LRCH1: variants seen among roughly 807,000 people sequenced by gnomAD.
LRCH1 encodes the protein leucine-rich repeat and calponin homology domain-containing protein 1.
A neutral mutation model predicts 94.9 loss-of-function variants in LRCH1; 23 were observed. That is an observed-to-expected ratio of 0.24 (90% CI 0.17 to 0.34). The LOEUF (loss-of-function observed/expected upper bound fraction) is 0.34, where lower values mean the gene tolerates loss of function less well. Ranked by LOEUF, LRCH1 falls within the 10% of genes least tolerant of loss-of-function variation. The pLI, the probability that LRCH1 is intolerant of heterozygous loss-of-function variation, is 1.00. For missense variants in LRCH1, 790 were observed against 945.9 expected (o/e 0.84, Z 2.16); for synonymous variants, 364 against 354.9 (o/e 1.03, Z -0.29).
intron 1 of LRCH1, among the ~76,000 whole-genome samples, chr13:46,570,947 G>C (rs916004683): frequency 6.6e-6 from 1 of 152,352 alleles, no homozygotes; most frequent in South Asian, 2.1e-4. Flanking sequence ...CAGTCAGGCA[G>C]CTTCACTGCT....
exon 19 of LRCH1, chr13:46,752,175 G>C (rs1477797786): frequency 2.0e-5 from 3 of 152,288 alleles, no homozygotes; most frequent in Non-Finnish European, 4.4e-5. Context: ...CCTTCTGCAG[G>C]CAGTTCCATG....
At position 46,739,403 on chromosome 13, in the gene LRCH1, C is replaced by T. The variant is rs74951639; in HGVS notation, c.2086-2239C>T. On this transcript the variant is annotated intron_variant, in intron 19 of 19. Coordinates refer to ENST00000389797, the MANE Select transcript of LRCH1 (RefSeq NM_001164211.2). ...AGTGATTACAAATGCTTTGTAAATACATGGTGAAATTTTGCCTCTTTAAAT... is the reference window on the plus strand; with the variant it reads ...AGTGATTACAAATGCTTTGTAAATATATGGTGAAATTTTGCCTCTTTAAAT... Among the ~76,000 whole-genome samples, 899 of 152,296 alleles carry T rather than the reference C, an allele frequency of 5.9e-3. 10 individuals carry two copies. Among genetic ancestry groups the T allele is most frequent in the African/African-American group, 0.02 (821 of 41,558 alleles).
At chr13:46,733,828 G>A in intron 18 of LRCH1, 93 bp from the exon 19 acceptor site, 1 of 687,818 alleles carries the variant, frequency 1.5e-6, no homozygotes. Context: ...AACATGTATT[G>A]CTTGTGCCAT....
rs953611445 is a variant in LRCH1, at chr13:46,657,812, A to G, written c.452+7467A>G. The stretch of plus-strand genomic sequence containing the variant: ...CCAAGGTGTTAGAATTACAGATGTG[A>G]GCCACCATGCCTAGCCACCACTACT... On this transcript the variant is annotated intron_variant, in intron 2 of 19. Transcript: ENST00000389797. Among the ~76,000 whole-genome samples, 4 of 149,984 alleles carry G rather than the reference A, an allele frequency of 2.7e-5. No individual in the cohort carries two copies. The East Asian group carries it at 5.9e-4, about 22-fold the overall frequency.
chr13:46,594,630 T>C (rs2050538648), intron 1 of LRCH1, among the ~76,000 whole-genome samples: 1 of 152,238 alleles, frequency 6.6e-6, no homozygotes, highest in East Asian at 1.9e-4. Flanking sequence ...CCAGCTGAGA[T>C]TGTACAGTAG....
chr13:46,570,729 A>G (rs1353024153), intron 1 of LRCH1, among the ~76,000 whole-genome samples: 1 of 152,218 alleles, frequency 6.6e-6, no homozygotes, highest in Non-Finnish European at 1.5e-5. Context: ...AGAATGTTGG[A>G]TTTTTAGAAG....
intron 1 of LRCH1, among the ~76,000 whole-genome samples, chr13:46,578,317 C>T (rs981288564): frequency 6.6e-6 from 1 of 152,210 alleles, no homozygotes; most frequent in Non-Finnish European, 1.5e-5. Context: ...CCCATGCAGA[C>T]AATGGCCCTG....
chr13:46,717,393 A>G (rs1002161982), intron 16 of LRCH1: 14 of 152,222 alleles, frequency 9.2e-5, no homozygotes, highest in African/African-American at 3.1e-4. Context: ...GCTGTACCAC[A>G]ATAATAATAA....
At chr13:46,710,523 T>C (rs940295007) in intron 13 of LRCH1, among the ~76,000 whole-genome samples, 1 of 152,078 alleles carries the variant, frequency 6.6e-6, no homozygotes, top group Non-Finnish European at 1.5e-5. Context: ...TACATAAATA[T>C]CGAACGGGGA....
chr13:46,647,847 G>A (rs571359242), intron 1 of LRCH1, among the ~76,000 whole-genome samples: 1 of 145,982 alleles, frequency 6.9e-6, no homozygotes, highest in East Asian at 2.0e-4. Flanking sequence ...TCGAACTACT[G>A]GCCTTGTGTC....
At chr13:46,654,657 T>C (rs1033268334) in intron 2 of LRCH1, among the ~76,000 whole-genome samples, 1 of 152,252 alleles carries the variant, frequency 6.6e-6, no homozygotes, top group African/African-American at 2.4e-5. Context: ...GAAGTCGGTG[T>C]GAATTTCTTA....
At chr13:46,718,397 G>T (rs2138210519) in intron 16 of LRCH1, among the ~76,000 whole-genome samples, 1 of 152,220 alleles carries the variant, frequency 6.6e-6, no homozygotes, top group Admixed American at 6.5e-5. Context: ...AGGCTTTTTA[G>T]TGGCTCTTAA....
intron 1 of LRCH1, among the ~76,000 whole-genome samples, chr13:46,557,057 C>A (rs1336323028): frequency 6.6e-6 from 1 of 152,146 alleles, no homozygotes; most frequent in Non-Finnish European, 1.5e-5. Context: ...GTATTGACTT[C>A]AGGTGGCTTG....
chr13:46,674,400 C>T (rs2051643585), intron 3 of LRCH1, among the ~76,000 whole-genome samples: 1 of 152,178 alleles, frequency 6.6e-6, no homozygotes, highest in South Asian at 2.1e-4. Context: ...ACTGAGATGT[C>T]CTTTTCTTGA....
rs56760828 is a variant in LRCH1 at position 46,707,732 on chromosome 13, A to G, written c.1527+2428A>G. Among the ~76,000 whole-genome samples the G allele has an allele frequency of 4.1e-3, 623 of 152,280 alleles. 4 individuals carry two copies. The highest frequency in any genetic ancestry group is 0.012 in the African/African-American group (510 of 41,554). ...TATTCCTGAATTTTTTTTAAAAAGG[A>G]AGTATTGTTACATGCCAGATCATGT... is the stretch of plus-strand genomic sequence containing the variant. On this transcript the variant is annotated intron_variant, in intron 13 of 19. Transcript: ENST00000389797.
At chr13:46,730,934 A>G (rs1873069920) in intron 18 of LRCH1, among the ~76,000 whole-genome samples, 1 of 152,320 alleles carries the variant, frequency 6.6e-6, no homozygotes, top group South Asian at 2.1e-4. Context: ...TGTTTTAGAA[A>G]TCTTTTGGTT....
intron 19 of LRCH1, among the ~76,000 whole-genome samples, chr13:46,737,211 C>T: frequency 6.6e-6 from 1 of 152,002 alleles, no homozygotes; most frequent in Non-Finnish European, 1.5e-5. Context: ...CCTAAATTCA[C>T]TGAATAAATA....
rs776077548 is a variant in LRCH1 at position 46,681,743 on chromosome 13, T to C, written c.582T>C (p.Asp194=). ...TTCTCTCTCTGCTTTTGATACAGGA[T>C]GTCAGCTGCAACGAGATCACAGCGT... ...IGQLKQLMEL[D]VSCNEITALP... Residue 194 remains aspartate (D), a splice_region_variant and synonymous_variant, in exon 4 of 20, where the codon GAT becomes GAC. Coordinates refer to ENST00000389797, the MANE Select transcript of LRCH1 (RefSeq NM_001164211.2). The C allele has an allele frequency of 1.2e-6, 2 of 1,602,692 alleles. No homozygotes were observed.
At chr13:46,632,000 G>A (rs1421579463) in intron 1 of LRCH1, among the ~76,000 whole-genome samples, 1 of 152,052 alleles carries the variant, frequency 6.6e-6, no homozygotes, top group Non-Finnish European at 1.5e-5. Flanking sequence ...TCAGGAGTTC[G>A]AGACCAGCCT....
Sources: allele counts gnomAD v4.1 joint callset (sites outside exome capture counted in the v4.1 genomes callset), GRCh38; gene constraint gnomAD v4.1.1; transcripts MANE v1.5; gene names NCBI Gene and HGNC (gene_info 2026-07-23, HGNC 2026-07-21).